Variants in TJP3 observed in about 807,000 individuals in gnomAD.
TJP3 encodes the protein tight junction protein 3, also known as tight junction protein ZO-3.
A neutral mutation model predicts 104.2 loss-of-function variants in TJP3; 85 were observed. The ratio of observed to expected loss-of-function variants is 0.82; its 90% confidence interval spans 0.68 to 0.98. The LOEUF is 0.98. TJP3 is among the 50% of genes least tolerant of loss of function. The probability of loss-of-function intolerance (pLI) is 0.00; values close to 1 mark genes in which losing one functional copy is unlikely to be tolerated. For synonymous variants in TJP3, 550 were observed against 550.6 expected, an observed-to-expected ratio of 1.00 and a Z score of 0.02; for missense variants, 1,367 against 1,322.8, an observed-to-expected ratio of 1.03 and a Z score of -0.52.
At position 3,748,095 on chromosome 19, in the gene TJP3, G is replaced by C. The variant is rs751862731; in HGVS notation, c.2610+14G>C. 108 of 1,539,946 alleles carry C rather than the reference G, an allele frequency of 7.0e-5. No individual in the cohort carries two copies. The highest frequency in any genetic ancestry group is 9.2e-5 in the Non-Finnish European group (105 of 1,140,416). The stretch of plus-strand genomic sequence containing the variant: ...CAGGGGGCCCAGGTGCGTCGGACAT[G>C]GGGGGCAGGCCTGGGAAGGGTCTCC... On this transcript the variant is annotated intron_variant, in intron 19 of 20. Coordinates refer to ENST00000541714, the MANE Select transcript of TJP3 (RefSeq NM_001267560.2).
At chr19:3,719,660 C>T (rs1385445922) in intron 1 of TJP3, among the ~76,000 whole-genome samples, 6 of 144,834 alleles carry the variant, frequency 4.1e-5, no homozygotes, top group South Asian at 2.2e-4. Flanking sequence ...GACGGGAACC[C>T]GGGAGGCGGA....
intron 11 of TJP3, among the ~76,000 whole-genome samples, chr19:3,736,761 G>A (rs1025217815): frequency 2.0e-5 from 3 of 151,968 alleles, no homozygotes; most frequent in African/African-American, 4.8e-5. Context: ...TTTTAGTAGA[G>A]ATGAGGGTTT....
intron 6 of TJP3, among the ~76,000 whole-genome samples, chr19:3,732,754 C>CAA (rs1226100217): frequency 2.0e-5 from 3 of 152,098 alleles, no homozygotes. Flanking sequence ...GGTGATCCCC[C>CAA]CCGCTCGGCC....
chr19:3,712,318 A>G (rs1248256120), intron 1 of TJP3, among the ~76,000 whole-genome samples: 1 of 152,150 alleles, frequency 6.6e-6, no homozygotes, highest in Non-Finnish European at 1.5e-5. Flanking sequence ...TCCATCTCAA[A>G]AATGTCATTC....
chr19:3,746,765 C>G lies in TJP3; in HGVS notation c.2222-11C>G. 6.2e-7 allele frequency: 1 copy of G among 1,604,818 alleles called. No individual in the cohort carries two copies. The stretch of plus-strand genomic sequence containing the variant: ...GAGTCTCCTGCACACACTGACGTCC[C>G]CTCCCTGCAGCCACCATCCCTCTGA... On this transcript the variant is annotated splice_polypyrimidine_tract_variant and intron_variant, in intron 17 of 20. Transcript: ENST00000541714. This position sits in a 1 kb window ranked among gnomAD's most constrained non-coding sequence, Gnocchi z 4.1.
chr19:3,745,510 T>C (rs1172782054), intron 15 of TJP3, among the ~76,000 whole-genome samples: 3 of 152,062 alleles, frequency 2.0e-5, no homozygotes, highest in Non-Finnish European at 4.4e-5. Flanking sequence ...CTTGAACCCC[T>C]CCATGCCAGG....
At position 3,728,493 on chromosome 19, in the gene TJP3, T is replaced by G. The variant is rs754658042; in HGVS notation, c.48+13T>G. 3.7e-6 allele frequency: 6 copies of G among 1,602,740 alleles called. No individual in the cohort carries two copies. The highest frequency in any genetic ancestry group is 3.5e-5 in the Admixed American group (2 of 57,744). ...CACACTGTCCAAGGTGAGGCCTCCC[T>G]CTCCCTGTCTGGGTGCCAGAGAGTA... On this transcript the variant is annotated intron_variant, in intron 2 of 20. Coordinates refer to ENST00000541714, the MANE Select transcript of TJP3 (RefSeq NM_001267560.2).
intron 7 of TJP3, 108 bp downstream of exon 7, chr19:3,734,020 A>C (rs2036705288): frequency 1.4e-6 from 2 of 1,418,310 alleles, no homozygotes; most frequent in Admixed American, 2.2e-5. Context: ...CTAGAGGCTC[A>C]GAGAGTGACA....
intron 1 of TJP3, 103 bp from the exon 2 acceptor site, chr19:3,728,321 C>T (rs1340369042): frequency 2.5e-6 from 4 of 1,575,420 alleles, no homozygotes; most frequent in Non-Finnish European, 3.5e-6. Flanking sequence ...GCTCCAAACA[C>T]AGGCCTGTCA....
At position 3,711,748 on chromosome 19, in the gene TJP3, A is replaced by AAAAAAAAAAAAAAAAG. The variant is rs377487730; in HGVS notation, c.-10+3190_-10+3191insAAAAAAAAAAAAGAAA. ...TCTACTAAAAGTACAAAAAAAAAAA[A>AAAAAAAAAAAAAAAAG]AAAGGTGCTTTATGTGTCTGCTTAA... On this transcript the variant is annotated intron_variant, in intron 1 of 20. Coordinates refer to ENST00000541714, the MANE Select transcript of TJP3 (RefSeq NM_001267560.2). 5.5e-5 allele frequency among the ~76,000 whole-genome samples: 7 copies of AAAAAAAAAAAAAAAAG among 128,158 alleles called. 1 individual carries two copies. Among genetic ancestry groups the AAAAAAAAAAAAAAAAG allele is most frequent in the African/African-American group, 1.8e-4 (6 of 33,514 alleles). 84.1% of individuals were successfully genotyped at this position (128,158 alleles called of 152,430 possible).
At position 3,715,335 on chromosome 19, in the gene TJP3, C is replaced by T. The variant is rs989041866; in HGVS notation, c.-10+6774C>T. On this transcript the variant is annotated intron_variant, in intron 1 of 20. Transcript: ENST00000541714. The stretch of plus-strand genomic sequence containing the variant: ...CGATCTCCTGACCTCGTGATCCGCC[C>T]GCCTCGGCCTCCCAAAGTGCTGGGA... Among the ~76,000 whole-genome samples the T allele has an allele frequency of 9.2e-5, 14 of 152,204 alleles. No individual in the cohort carries two copies. The East Asian group carries it at 9.7e-4, about 11-fold the overall frequency.
In TJP3 at chr19:3,740,751, G is replaced by C; in HGVS notation, c.1831G>C (p.Val611Leu). The part of the protein sequence containing the change: ...QGRYPPYERV[V>L]LREASFKRPV... ...CCGCTACCCGCCCTACGAACGAGTG[G>C]TGTTGCGAGAAGGTGGGGCCCGGAG... Residue 611 changes from valine to leucine, a missense_variant, in exon 14 of 21, where the codon GTG (valine) becomes CTG (leucine). Val to Leu is a conservative substitution (Grantham distance 32). Coordinates refer to ENST00000541714, the MANE Select transcript of TJP3 (RefSeq NM_001267560.2). 6.3e-7 allele frequency: 1 copy of C among 1,580,062 alleles called. No homozygotes were observed. Among genetic ancestry groups the C allele is most frequent in the Non-Finnish European group, 8.6e-7 (1 of 1,164,080 alleles).
At position 3,734,015 on chromosome 19, in the gene TJP3, G is replaced by A. The variant is rs1443933106; in HGVS notation, c.877+103G>A. ...GGAATCAATGAGCCTGGTCCCTAGA[G>A]GCTCAGAGAGTGACAGGAACTTGCT... On this transcript the variant is annotated intron_variant, in intron 7 of 20. Coordinates refer to ENST00000541714, the MANE Select transcript of TJP3 (RefSeq NM_001267560.2). The A allele has an allele frequency of 1.7e-5, 25 of 1,447,216 alleles. No homozygotes were observed. The South Asian group carries it at 2.7e-4, about 15-fold the overall frequency. 89.6% of individuals were successfully genotyped at this position (1,447,216 alleles called of 1,614,324 possible).
At position 3,741,771 on chromosome 19, in the gene TJP3, C is replaced by A. The variant is rs954322931; in HGVS notation, c.1843+1008C>A. On this transcript the variant is annotated intron_variant, in intron 14 of 20. Coordinates refer to ENST00000541714, the MANE Select transcript of TJP3 (RefSeq NM_001267560.2). ...ATCACCTGAGGTCAGGAGCTCTAGA[C>A]CAGCCTGGCCCACATGGTGAAATCC... 4.7e-5 allele frequency among the ~76,000 whole-genome samples: 7 copies of A among 149,776 alleles called. No individual in the cohort carries two copies. The Admixed American group carries it at 4.7e-4, about 10-fold the overall frequency.
intron 6 of TJP3, among the ~76,000 whole-genome samples, chr19:3,732,350 A>AATGAC (rs2036682827): frequency 1.3e-5 from 2 of 152,030 alleles, no homozygotes; most frequent in Non-Finnish European, 2.9e-5. Context: ...AGGTGACTGG[A>AATGAC]TGCTAATGAC....
intron 8 of TJP3, among the ~76,000 whole-genome samples, 173 bp downstream of exon 8, chr19:3,734,608 C>T (rs2036715456): frequency 6.6e-6 from 1 of 152,178 alleles, no homozygotes; most frequent in African/African-American, 2.4e-5. Context: ...GTTCCAAAGC[C>T]GTGTCCGCAT....
intron 1 of TJP3, among the ~76,000 whole-genome samples, chr19:3,727,513 A>C (rs1314231414): frequency 6.6e-6 from 1 of 150,800 alleles, no homozygotes; most frequent in Non-Finnish European, 1.5e-5. Context: ...GAGATAGTAC[A>C]TGTAAAGCAC....
intron 1 of TJP3, among the ~76,000 whole-genome samples, chr19:3,709,505 G>C (rs2036414114): frequency 6.6e-6 from 1 of 152,182 alleles, no homozygotes; most frequent in Admixed American, 6.5e-5. Context: ...CAGCAAAAGT[G>C]TTTTTCTGGG....
chr19:3,735,239 G>A (rs764708652), intron 8 of TJP3, among the ~76,000 whole-genome samples: 2 of 151,844 alleles, frequency 1.3e-5, no homozygotes, highest in Non-Finnish European at 2.9e-5. Flanking sequence ...TCACTCTGTC[G>A]CCCAGGCTGG....
Sources: allele counts gnomAD v4.1 joint callset (sites outside exome capture counted in the v4.1 genomes callset), GRCh38; gene constraint gnomAD v4.1.1; non-coding constraint Gnocchi (gnomAD v3.1); transcripts MANE v1.5; gene names NCBI Gene and HGNC (gene_info 2026-07-23, HGNC 2026-07-21).